Variants in PPARGC1A observed in about 807,000 individuals in gnomAD.
The protein encoded by PPARGC1A is PPARG coactivator 1 alpha, also known as peroxisome proliferator-activated receptor gamma coactivator 1-alpha.
Under a neutral mutation model 88.7 loss-of-function variants are expected in PPARGC1A, and 25 were observed. The ratio of observed to expected loss-of-function variants is 0.28; its 90% confidence interval spans 0.21 to 0.39. The LOEUF (loss-of-function observed/expected upper bound fraction) is 0.39, where lower values mean the gene tolerates loss of function less well. Among genes scored for constraint, PPARGC1A ranks in the 10% least tolerant of loss-of-function variants. The pLI, the probability that PPARGC1A is intolerant of heterozygous loss-of-function variation, is 1.00. For synonymous variants in PPARGC1A, 363 were observed against 355.6 expected (o/e 1.02, Z -0.24); for missense variants, 880 against 968.7 (o/e 0.91, Z 1.22).
At chr4:24,366,050 C>G in the PPARGC1A span, among the ~76,000 whole-genome samples, 3 of 152,172 alleles carry the variant, frequency 2.0e-5, no homozygotes, top group Non-Finnish European at 2.9e-5. Context: ...CACTCTCTAG[C>G]CTACTGGATG....
At chr4:24,424,347 C>G in the PPARGC1A span, among the ~76,000 whole-genome samples, 1 of 133,252 alleles carries the variant, frequency 7.5e-6, no homozygotes, top group African/African-American at 2.8e-5. Flanking sequence ...GCGATCTCGG[C>G]TCACTGCAAG....
chr4:24,194,936 C>A, the PPARGC1A span, among the ~76,000 whole-genome samples: 2 of 152,200 alleles, frequency 1.3e-5, no homozygotes, highest in Admixed American at 6.5e-5. Flanking sequence ...AACTAGCATT[C>A]TTCCTGGTTT....
the PPARGC1A span, among the ~76,000 whole-genome samples, chr4:24,095,817 G>T: frequency 6.6e-6 from 1 of 152,176 alleles, no homozygotes; most frequent in African/African-American, 2.4e-5. Flanking sequence ...GTGGTCATTT[G>T]GCAAAAGGGC....
At chr4:24,083,579 G>C in the PPARGC1A span, among the ~76,000 whole-genome samples, 1 of 152,132 alleles carries the variant, frequency 6.6e-6, no homozygotes, top group Non-Finnish European at 1.5e-5. Flanking sequence ...GTGATCCTTA[G>C]GGTGAAAATG....
the PPARGC1A span, among the ~76,000 whole-genome samples, chr4:24,259,270 C>T: frequency 9.8e-5 from 15 of 152,312 alleles, 2 homozygotes; most frequent in African/African-American, 2.9e-4. Flanking sequence ...CTTCTCCTTA[C>T]GCACCTCTGC....
chr4:23,959,185 T>C, the PPARGC1A span, among the ~76,000 whole-genome samples: 1 of 152,074 alleles, frequency 6.6e-6, no homozygotes, highest in Non-Finnish European at 1.5e-5. Flanking sequence ...AGGGGCGGCA[T>C]TGCCCACCAT....
Position 23,831,595 on chromosome 4 carries a change from C to T in PPARGC1A, c.391G>A (p.Gly131Ser), listed in dbSNP as rs933778371. The change falls in exon 3 of 13, where the codon GGC becomes AGC. Residue 131 changes from glycine (G) to serine (S), a missense_variant. Coordinates refer to ENST00000264867, the MANE Select transcript of PPARGC1A (RefSeq NM_013261.5). ...NEASPSSMPDGTPPPQEAEEP... is the reference protein window; with the variant it reads ...NEASPSSMPDSTPPPQEAEEP... The stretch of plus-strand genomic sequence containing the variant: ...TCTGCCTCCTGGGGTGGAGGGGTGC[C>T]GTCAGGCATGGAGGAAGGACTAGCC... 20 of 1,614,044 alleles carry T rather than the reference C, an allele frequency of 1.2e-5. No homozygotes were observed. The African/African-American group carries it at 1.6e-4, about 13-fold the overall frequency.
At chr4:24,111,413 A>T in the PPARGC1A span, among the ~76,000 whole-genome samples, 1 of 152,168 alleles carries the variant, frequency 6.6e-6, no homozygotes, top group Non-Finnish European at 1.5e-5. Flanking sequence ...TTTGACACAC[A>T]TTAATTCATA....
At chr4:24,372,987 G>A in the PPARGC1A span, among the ~76,000 whole-genome samples, 1 of 152,072 alleles carries the variant, frequency 6.6e-6, no homozygotes, top group Non-Finnish European at 1.5e-5. Flanking sequence ...CCAGCCCGGG[G>A]GACACTTAGA....
the PPARGC1A span, among the ~76,000 whole-genome samples, chr4:24,009,644 G>A: frequency 6.6e-6 from 1 of 152,158 alleles, no homozygotes; most frequent in African/African-American, 2.4e-5. Context: ...TTATGGTGAA[G>A]GTCTTAAGGG....
the PPARGC1A span, among the ~76,000 whole-genome samples, chr4:23,940,887 T>G: frequency 2.0e-4 from 31 of 152,172 alleles, no homozygotes; most frequent in Admixed American, 4.6e-4. Flanking sequence ...AAAATTTAGC[T>G]CAAAATGAAA....
chr4:24,272,475 T>C, the PPARGC1A span, among the ~76,000 whole-genome samples: 1 of 152,106 alleles, frequency 6.6e-6, no homozygotes, highest in South Asian at 2.1e-4. Flanking sequence ...ACCTGATCAC[T>C]AGGCCCTAAT....
At chr4:24,027,221 GTGTGTCTGTGTGTGTC>G in the PPARGC1A span, among the ~76,000 whole-genome samples, 23 of 120,810 alleles carry the variant, frequency 1.9e-4, no homozygotes, top group African/African-American at 6.4e-4. Context: ...GTGTGTGTCT[GTGTGTCTGTGTGTGTC>G]TGTGTGTGTG....
At chr4:23,989,586 A>T in the PPARGC1A span, among the ~76,000 whole-genome samples, 87 of 152,162 alleles carry the variant, frequency 5.7e-4, no homozygotes, top group East Asian at 0.014. Flanking sequence ...TTTGCTAAGA[A>T]CACAAGCTCC....
At chr4:23,999,053 G>A in the PPARGC1A span, among the ~76,000 whole-genome samples, 1 of 152,194 alleles carries the variant, frequency 6.6e-6, no homozygotes. Flanking sequence ...GAACTCTGGA[G>A]ATTCTTTTGC....
the PPARGC1A span, among the ~76,000 whole-genome samples, chr4:24,424,258 C>CTTTTT: frequency 0.012 from 523 of 44,342 alleles, 165 homozygotes; most frequent in East Asian, 0.024. Context: ...TATACACACA[C>CTTTTT]TTTTTTTTTT....
the PPARGC1A span, among the ~76,000 whole-genome samples, chr4:24,380,980 T>A: frequency 1.5e-4 from 20 of 134,500 alleles, no homozygotes; most frequent in African/African-American, 3.0e-4. Context: ...CTGTGTGATT[T>A]AAAAAAAAAA....
chr4:23,890,960 T>C (rs537361459), upstream of PPARGC1A, among the ~76,000 whole-genome samples: 9 of 152,272 alleles, frequency 5.9e-5, no homozygotes, highest in South Asian at 1.7e-3. Context: ...TGAATAAACA[T>C]TGAATTCCAA....
chr4:24,192,889 T>A, the PPARGC1A span, among the ~76,000 whole-genome samples: 1 of 152,186 alleles, frequency 6.6e-6, no homozygotes, highest in African/African-American at 2.4e-5. Flanking sequence ...CTGTATTATG[T>A]TTTCAGACAA....
Sources: gnomAD v4.1 joint callset for allele counts (sites outside exome capture counted in the v4.1 genomes callset) on GRCh38, gnomAD v4.1.1 for gene constraint, MANE v1.5 for transcripts, NCBI Gene and HGNC (gene_info 2026-07-23, HGNC 2026-07-21) for gene names.